Variants in ARAP2 observed in about 807,000 individuals in gnomAD.
ARAP2 encodes the protein arf-GAP with Rho-GAP domain, ANK repeat and PH domain-containing protein 2.
Under a neutral mutation model 194.5 loss-of-function variants are expected in ARAP2, and 148 were observed. The ratio of observed to expected loss-of-function variants is 0.76; its 90% CI spans 0.67 to 0.87. The LOEUF is 0.87. Ranked by LOEUF, ARAP2 falls within the 40% of genes least tolerant of loss-of-function variation. The pLI is 0.00. For missense variants in ARAP2, 2,128 were observed against 1,989.7 expected, an observed-to-expected ratio of 1.07 and a Z score of -1.32; for synonymous variants, 695 against 683.5, an observed-to-expected ratio of 1.02 and a Z score of -0.26.
intron 16 of ARAP2, among the ~76,000 whole-genome samples, chr4:36,149,256 A>G (rs992596461): frequency 1.3e-5 from 2 of 152,090 alleles, no homozygotes; most frequent in Non-Finnish European, 2.9e-5. Flanking sequence ...TCTCATCACA[A>G]CAAGCTCAAA....
intron 19 of ARAP2, among the ~76,000 whole-genome samples, chr4:36,141,433 T>C (rs1006072245): frequency 1.3e-5 from 2 of 151,694 alleles, no homozygotes; most frequent in African/African-American, 2.4e-5. Flanking sequence ...TAGAGCTTTT[T>C]AGAGCAAAAA....
chr4:36,012,754 T>G (rs182988978), exon 9 of ARAP2: 4 of 152,152 alleles, frequency 2.6e-5, no homozygotes, highest in Non-Finnish European at 5.9e-5. Context: ...CAGAGCAGAG[T>G]GCACACCAGC....
rs943427385 is a variant in ARAP2, at chr4:36,197,484, T to G, written c.1488-3837A>C. ...CAAAATAAACACTTTGTAAAACTAC[T>G]GTTGCAGGATCCTCAGGGTGTTGCT... is the stretch of plus-strand genomic sequence containing the variant. On this transcript the variant is annotated intron_variant, in intron 6 of 32. Coordinates refer to ENST00000303965, the MANE Select transcript of ARAP2 (RefSeq NM_015230.4). Among the ~76,000 whole-genome samples, 8 of 152,364 alleles carry G rather than the reference T, an allele frequency of 5.3e-5. No individual in the cohort carries two copies. In the South Asian group the frequency reaches 6.2e-4, roughly 12 times the overall value.
rs376806727 is a variant in ARAP2 at position 36,130,997 on chromosome 4, C to A, written c.3427+2229G>T. 9.2e-5 allele frequency among the ~76,000 whole-genome samples: 14 copies of A among 151,764 alleles called. No homozygotes were observed. The East Asian group carries it at 2.5e-3, about 27-fold the overall frequency. On this transcript the variant is annotated intron_variant, in intron 20 of 32. Transcript: ENST00000303965. Reference sequence around the variant, plus strand: ...GTAATTTACTTTTTAAAAATTAAAGCCCTAAGAGTCATACTATGAACTCAG... The same window carrying A: ...GTAATTTACTTTTTAAAAATTAAAGACCTAAGAGTCATACTATGAACTCAG...
chr4:36,240,009 G>A (rs1381275753), intron 1 of ARAP2, among the ~76,000 whole-genome samples: 2 of 152,074 alleles, frequency 1.3e-5, no homozygotes, highest in Non-Finnish European at 2.9e-5. Flanking sequence ...CACAATGCCC[G>A]AATTCCAGTC....
In ARAP2 at chr4:36,048,430, G is replaced by T. The variant is rs1417432654; in HGVS notation, n.370-1581C>A. On this transcript the variant is annotated intron_variant and non_coding_transcript_variant, in intron 3 of 12. Transcript: ENST00000503225. ...CATCTTTATGTCTATGAGTACCAAA[G>T]GTTTAGCTCCCACTTATAAGTGAGA... 2.0e-5 allele frequency among the ~76,000 whole-genome samples: 3 copies of T among 151,962 alleles called. No individual in the cohort carries two copies. The East Asian group carries it at 5.8e-4, about 29-fold the overall frequency.
rs539141485 is a variant in ARAP2 at position 36,180,068 on chromosome 4, C to G, written c.1679-2063G>C. On this transcript the variant is annotated intron_variant, in intron 8 of 32. Coordinates refer to ENST00000303965, the MANE Select transcript of ARAP2 (RefSeq NM_015230.4). ...GGGGAGGAACATTTGAGGTCAGGAG[C>G]TCAAGACCAGCCTGGCCAACATGGT... Among the ~76,000 whole-genome samples, 153 of 152,168 alleles carry G rather than the reference C, an allele frequency of 1.0e-3. 1 individual carries two copies. The highest frequency in any genetic ancestry group is 3.4e-3 in the Middle Eastern group (1 of 294).
chr4:36,243,383 C>CAAAAAAAAA (rs71201008), intron 1 of ARAP2, among the ~76,000 whole-genome samples: 3 of 85,114 alleles, frequency 3.5e-5, no homozygotes, highest in African/African-American at 9.9e-5. Flanking sequence ...GACAAGCTTG[C>CAAAAAAAAA]AAAAAAAAAA....
At chr4:36,175,495 C>T (rs113375077) in intron 9 of ARAP2, among the ~76,000 whole-genome samples, 118 of 152,242 alleles carry the variant, frequency 7.8e-4, no homozygotes, top group African/African-American at 2.6e-3. Flanking sequence ...TGAACGTGGA[C>T]GGCCTTCCTT....
chr4:36,072,689 A>C (rs11096797), intron 32 of ARAP2, among the ~76,000 whole-genome samples: 60,061 of 144,750 alleles, frequency 0.41, 12,571 homozygotes, highest in East Asian at 0.55. Flanking sequence ...CCCAAAAAAA[A>C]CAAAAAAAAA....
At chr4:36,239,743 T>A (rs1304292347) in intron 1 of ARAP2, among the ~76,000 whole-genome samples, 1 of 152,214 alleles carries the variant, frequency 6.6e-6, no homozygotes, top group African/African-American at 2.4e-5. Context: ...TTTAAAATGA[T>A]AAGACGGTAA....
chr4:36,230,396 T>C (rs1751206842), intron 1 of ARAP2, among the ~76,000 whole-genome samples: 1 of 152,228 alleles, frequency 6.6e-6, no homozygotes, highest in African/African-American at 2.4e-5. Context: ...AGTTCAATAA[T>C]TTTCATTTCA....
At chr4:36,230,079 GATA>G (rs2109342691) in intron 1 of ARAP2, among the ~76,000 whole-genome samples, 1 of 152,226 alleles carries the variant, frequency 6.6e-6, no homozygotes, top group African/African-American at 2.4e-5. Context: ...TGTCCTACAG[GATA>G]ATAAGCCATA....
chr4:36,212,165 T>G (rs1247911365), intron 5 of ARAP2, among the ~76,000 whole-genome samples: 1 of 151,948 alleles, frequency 6.6e-6, no homozygotes, highest in South Asian at 2.1e-4. Context: ...TGGTTTCCAT[T>G]AGAAAAAGAC....
chr4:36,098,147 A>G (rs1048357254), intron 27 of ARAP2, among the ~76,000 whole-genome samples: 2 of 152,112 alleles, frequency 1.3e-5, no homozygotes, highest in African/African-American at 4.8e-5. Flanking sequence ...AAATTCCAAC[A>G]GAATAATTGA....
downstream of ARAP2, among the ~76,000 whole-genome samples, chr4:36,063,560 G>T (rs150980737): frequency 2.5e-4 from 38 of 151,946 alleles, no homozygotes; most frequent in African/African-American, 8.0e-4. Context: ...AAATTTCTGC[G>T]GTTGTGGCGC....
intron 10 of ARAP2, among the ~76,000 whole-genome samples, chr4:36,166,249 G>A (rs1056014805): frequency 2.6e-5 from 4 of 152,062 alleles, no homozygotes; most frequent in African/African-American, 9.7e-5. Flanking sequence ...ACCACGTGAT[G>A]TTGATTATTT....
chr4:36,223,998 A>G (rs1749707098), intron 2 of ARAP2, among the ~76,000 whole-genome samples: 2 of 152,062 alleles, frequency 1.3e-5, no homozygotes, highest in Non-Finnish European at 2.9e-5. Flanking sequence ...AAAGAAGAGA[A>G]AGTAATGAAT....
At chr4:36,169,190 C>T (rs905309113) in intron 9 of ARAP2, among the ~76,000 whole-genome samples, 2 of 152,154 alleles carry the variant, frequency 1.3e-5, no homozygotes, top group Non-Finnish European at 2.9e-5. Flanking sequence ...AGAATAAATA[C>T]GTGGACTGCA....
Sources: gnomAD v4.1 joint callset for allele counts (sites outside exome capture counted in the v4.1 genomes callset) on GRCh38, gnomAD v4.1.1 for gene constraint, MANE v1.5 for transcripts, NCBI Gene and HGNC (gene_info 2026-07-23, HGNC 2026-07-21) for gene names.